Variants in PLXNA4 observed in about 807,000 individuals in gnomAD.
The protein encoded by PLXNA4 is plexin-A4.
PLXNA4 carries 44 observed loss-of-function variants against 191.8 expected under a neutral mutation model. That is an observed-to-expected ratio of 0.23 (90% CI 0.18 to 0.29). The LOEUF is 0.29. PLXNA4 is among the 10% of genes least tolerant of loss of function. The pLI is 1.00. For missense variants in PLXNA4, 1,800 were observed against 2,488.8 expected (o/e 0.72, Z 5.89); for synonymous variants, 1,082 against 1,009.5 (o/e 1.07, Z -1.36).
chr7:132,142,422 T>G (rs1294821540), intron 29 of PLXNA4, among the ~76,000 whole-genome samples: 5 of 152,256 alleles, frequency 3.3e-5, no homozygotes, highest in Non-Finnish European at 7.3e-5. Flanking sequence ...CGTTAGAACT[T>G]AAATTCTTTG....
chr7:132,434,110 C>G (rs1050082162), intron 3 of PLXNA4, among the ~76,000 whole-genome samples: 1 of 152,336 alleles, frequency 6.6e-6, no homozygotes, highest in East Asian at 1.9e-4. Flanking sequence ...GGACGCTTCC[C>G]GCCTTTGGTT....
chr7:132,646,557 T>C (rs1563202982), intron 1 of PLXNA4, among the ~76,000 whole-genome samples: 1 of 152,088 alleles, frequency 6.6e-6, no homozygotes, highest in Non-Finnish European at 1.5e-5. Context: ...CTCTCTGCCC[T>C]GTGAGGACAC....
chr7:132,468,098 C>T (rs530306815), intron 3 of PLXNA4, among the ~76,000 whole-genome samples: 1 of 152,300 alleles, frequency 6.6e-6, no homozygotes, highest in South Asian at 2.1e-4. Flanking sequence ...CAGTCCTTAG[C>T]TCTCTGGAAT....
intron 4 of PLXNA4, among the ~76,000 whole-genome samples, chr7:132,256,624 C>G (rs976711472): frequency 2.0e-5 from 3 of 152,202 alleles, no homozygotes; most frequent in Non-Finnish European, 1.5e-5. Context: ...ACAGTAGATT[C>G]TGTTTTGCTG....
intron 2 of PLXNA4, among the ~76,000 whole-genome samples, chr7:132,622,541 T>G (rs989457217): frequency 1.3e-5 from 2 of 150,236 alleles, no homozygotes; most frequent in African/African-American, 4.9e-5. Context: ...AGGAGCTATC[T>G]GAAGGAAAAA....
At chr7:132,578,630 G>C (rs377234199), upstream of PLXNA4, among the ~76,000 whole-genome samples, 3 of 152,128 alleles carry the variant, frequency 2.0e-5, no homozygotes, top group East Asian at 3.9e-4. Flanking sequence ...TATAGGTCAG[G>C]CTTGGCCCAC....
At chr7:132,591,741 C>T (rs1334859786) in intron 2 of PLXNA4, among the ~76,000 whole-genome samples, 3 of 152,152 alleles carry the variant, frequency 2.0e-5, no homozygotes, top group Admixed American at 6.5e-5. Flanking sequence ...TCTCCATCTC[C>T]CTTTCAGATG....
chr7:132,318,062 A>G (rs1563031829), intron 3 of PLXNA4, among the ~76,000 whole-genome samples: 1 of 152,210 alleles, frequency 6.6e-6, no homozygotes, highest in Non-Finnish European at 1.5e-5. Flanking sequence ...ACTCAATCCC[A>G]AGTGGTTTTG....
At chr7:132,254,960 C>A (rs956435395) in intron 4 of PLXNA4, among the ~76,000 whole-genome samples, 1 of 152,074 alleles carries the variant, frequency 6.6e-6, no homozygotes, top group African/African-American at 2.4e-5. Context: ...TAGGAGGAGG[C>A]TAATTCCAGG....
intron 2 of PLXNA4, among the ~76,000 whole-genome samples, chr7:132,585,488 A>T (rs955185764): frequency 2.0e-5 from 3 of 152,170 alleles, no homozygotes; most frequent in Admixed American, 6.5e-5. Context: ...TGGCCCCCAA[A>T]GTGACCATTG....
chr7:132,314,084 C>T (rs938342364), intron 3 of PLXNA4, among the ~76,000 whole-genome samples: 8 of 152,288 alleles, frequency 5.3e-5, no homozygotes, highest in Middle Eastern at 3.4e-3. Flanking sequence ...TAGGCAGTCA[C>T]TTTGAGGAGC....
chr7:132,290,000 T>A (rs2116454693), intron 4 of PLXNA4, among the ~76,000 whole-genome samples: 1 of 152,344 alleles, frequency 6.6e-6, no homozygotes, highest in South Asian at 2.1e-4. Flanking sequence ...AAGGCTGCTA[T>A]CCTGGGCAAT....
intron 23 of PLXNA4, 64 bp from the exon 24 acceptor site, chr7:132,164,352 T>A: frequency 9.5e-6 from 15 of 1,584,114 alleles, no homozygotes; most frequent in Non-Finnish European, 1.3e-5. Flanking sequence ...CCCCAGTCCC[T>A]GCTTCTCCAA....
At chr7:132,203,293 CTCCCCTGCT>C in intron 11 of PLXNA4, 21 bp downstream of exon 11, 4 of 1,581,810 alleles carry the variant, frequency 2.5e-6, no homozygotes, top group Non-Finnish European at 2.6e-6. Context: ...CTTCCCCTCC[CTCCCCTGCT>C]AGGCCCCAGC....
intron 3 of PLXNA4, among the ~76,000 whole-genome samples, chr7:132,370,291 T>C (rs568687915): frequency 6.6e-6 from 1 of 152,156 alleles, no homozygotes; most frequent in African/African-American, 2.4e-5. Flanking sequence ...TTATCACAGA[T>C]GCCACCCTGG....
rs573348541 is a variant in PLXNA4 at position 132,647,914 on chromosome 7, G to A, written c.-203+600C>T. On this transcript the variant is annotated intron_variant, in intron 1 of 4. Transcript: ENST00000378539. ...CCATATATACTCACGAACACACACT[G>A]TCATACACTCACACTCATACACTTA... Among the ~76,000 whole-genome samples the A allele has an allele frequency of 4.3e-4, 65 of 150,326 alleles. 1 individual carries two copies. Among genetic ancestry groups the A allele is most frequent in the Middle Eastern group, 7.2e-3 (2 of 276 alleles).
intron 1 of PLXNA4, among the ~76,000 whole-genome samples, chr7:132,541,789 T>C (rs1204575995): frequency 6.6e-6 from 1 of 152,184 alleles, no homozygotes; most frequent in African/African-American, 2.4e-5. Context: ...TGATAAGTTG[T>C]GGGGATGGGC....
At chr7:132,360,619 C>A (rs1163223035) in intron 3 of PLXNA4, among the ~76,000 whole-genome samples, 1 of 152,140 alleles carries the variant, frequency 6.6e-6, no homozygotes, top group Non-Finnish European at 1.5e-5. Context: ...TCGACAACAA[C>A]AAAAAGATAA....
At chr7:132,309,741 A>G (rs758129928) in intron 3 of PLXNA4, among the ~76,000 whole-genome samples, 1 of 152,170 alleles carries the variant, frequency 6.6e-6, no homozygotes, top group Non-Finnish European at 1.5e-5. Context: ...GGAGGCCCAA[A>G]GAAAACAGAA....
Sources: gnomAD v4.1 joint callset for allele counts (sites outside exome capture counted in the v4.1 genomes callset) on GRCh38, gnomAD v4.1.1 for gene constraint, MANE v1.5 for transcripts, NCBI Gene and HGNC (gene_info 2026-07-23, HGNC 2026-07-21) for gene names.